FMN1: variants seen among roughly 807,000 people sequenced by gnomAD.
The protein encoded by FMN1 is formin 1.
FMN1 carries 110 observed loss-of-function variants against 132.4 expected under a neutral mutation model. That is an observed-to-expected ratio of 0.83 (90% CI 0.71 to 0.97). The LOEUF is 0.97. Ranked by LOEUF, FMN1 falls within the 50% of genes least tolerant of loss-of-function variation. The pLI is 0.00. For synonymous variants in FMN1, 722 were observed against 651.7 expected (o/e 1.11, Z -1.64); for missense variants, 1,792 against 1,705.3 (o/e 1.05, Z -0.90).
At chr15:33,012,046 C>T in intron 6 of FMN1, 1 of 307,784 alleles carries the variant, frequency 3.2e-6, no homozygotes, top group Non-Finnish European at 6.2e-6. Context: ...ACATAAGTAA[C>T]AAAACTATGA....
At chr15:32,786,665 G>A (rs1442132662) in intron 19 of FMN1, among the ~76,000 whole-genome samples, 1 of 152,106 alleles carries the variant, frequency 6.6e-6, no homozygotes. Context: ...AATATCACAT[G>A]GTTTATGGCA....
At chr15:33,170,956 A>G (rs1965297213) in intron 3 of FMN1, among the ~76,000 whole-genome samples, 1 of 152,240 alleles carries the variant, frequency 6.6e-6, no homozygotes, top group Non-Finnish European at 1.5e-5. Flanking sequence ...TGTTTACTGC[A>G]TAGCAAAAGA....
At chr15:32,935,211 G>A (rs117508225) in intron 9 of FMN1, among the ~76,000 whole-genome samples, 2,865 of 152,104 alleles carry the variant, frequency 0.019, 98 homozygotes, top group East Asian at 0.12. Flanking sequence ...GTGAGCCACT[G>A]CACCCAGCCG....
At chr15:33,099,038 T>C (rs2039192325) in intron 4 of FMN1, among the ~76,000 whole-genome samples, 1 of 152,120 alleles carries the variant, frequency 6.6e-6, no homozygotes, top group South Asian at 2.1e-4. Context: ...AAGCTGAGGC[T>C]GGTGGACTGC....
chr15:32,950,663 G>A (rs2061631224), intron 9 of FMN1, among the ~76,000 whole-genome samples: 1 of 152,242 alleles, frequency 6.6e-6, no homozygotes. Flanking sequence ...ACACAGAGGA[G>A]AGCAACATAC....
At chr15:33,006,004 G>A (rs189378721) in intron 7 of FMN1, among the ~76,000 whole-genome samples, 1 of 152,188 alleles carries the variant, frequency 6.6e-6, no homozygotes, top group African/African-American at 2.4e-5. Flanking sequence ...TGCTGGATGG[G>A]TAGGGCTTGA....
At chr15:33,181,371 G>A (rs1201566619) in intron 2 of FMN1, among the ~76,000 whole-genome samples, 1 of 152,168 alleles carries the variant, frequency 6.6e-6, no homozygotes, top group Non-Finnish European at 1.5e-5. Flanking sequence ...CTTCCGAGCA[G>A]ACAAATCCTC....
chr15:32,788,385 A>G (rs189890276), intron 19 of FMN1, among the ~76,000 whole-genome samples: 5 of 152,370 alleles, frequency 3.3e-5, no homozygotes, highest in African/African-American at 1.2e-4. Flanking sequence ...TCTTTGGAAG[A>G]CATTTCCAAT....
intron 15 of FMN1, among the ~76,000 whole-genome samples, chr15:32,891,308 T>C (rs1187906416): frequency 6.6e-6 from 1 of 152,158 alleles, no homozygotes; most frequent in African/African-American, 2.4e-5. Context: ...AGTGCAGTGA[T>C]GCGATGTTGG....
Position 32,964,153 on chromosome 15 carries a change from T to C in FMN1, c.3092A>G (p.Lys1031Arg). 1 of 1,613,506 alleles carries C rather than the reference T, an allele frequency of 6.2e-7. No individual in the cohort carries two copies. Among genetic ancestry groups the C allele is most frequent in the East Asian group, 2.2e-5 (1 of 44,840 alleles). ...CTCATAAGTCTCTGACAGAGGTTTTTTCTTCTGTTGAGTTGTGTCTTTGGA... is the reference window on the plus strand; with the variant it reads ...CTCATAAGTCTCTGACAGAGGTTTTCTCTTCTGTTGAGTTGTGTCTTTGGA... The part of the protein sequence containing the change: ...LFSKDTTQQK[K>R]KPLSETYEKK... Residue 1031 changes from lysine (K) to arginine (R), a missense_variant, in exon 9 of 21, where the codon AAA becomes AGA. Around this residue, in one of 3 missense-constraint regions of FMN1, gnomAD observed 1,150 missense variants for 1,043.1 expected, o/e 1.10. Transcript: ENST00000616417.
Position 33,157,263 on chromosome 15 carries a change from C to CAAA in FMN1, c.-131-2221_-131-2219dup, listed in dbSNP as rs57411775. Among the ~76,000 whole-genome samples, 50 of 120,438 alleles carry CAAA rather than the reference C, an allele frequency of 4.2e-4. 1 individual carries two copies. Among genetic ancestry groups the CAAA allele is most frequent in the African/African-American group, 1.3e-3 (44 of 33,052 alleles). The allele number at this position is 120,438 out of a possible 152,430, so 79.0% of individuals were successfully genotyped here. A position where few individuals can be genotyped will look rare whatever the true frequency, so the allele number is the denominator to read the frequency against. Reference sequence around the variant, plus strand: ...CTGGTGACAGAGTGAGACTCCATCTCAAAAAAAAAAAAAAAAAATTCAGAA... The same window carrying CAAA: ...CTGGTGACAGAGTGAGACTCCATCTCAAAAAAAAAAAAAAAAAAAAATTCAGAA... On this transcript the variant is annotated intron_variant, in intron 3 of 20. Coordinates refer to ENST00000616417, the MANE Select transcript of FMN1 (RefSeq NM_001277313.2).
intron 4 of FMN1, among the ~76,000 whole-genome samples, chr15:33,122,400 G>C (rs999949065): frequency 6.6e-6 from 1 of 152,124 alleles, no homozygotes; most frequent in Non-Finnish European, 1.5e-5. Flanking sequence ...CATGCCTGGT[G>C]GGAAAGTAAG....
At position 33,048,644 on chromosome 15, in the gene FMN1, A is replaced by AAAAACAAAAAAAAAACAAAAAC. The variant is rs1555388958; in HGVS notation, c.2161+16312_2161+16313insGTTTTTGTTTTTTTTTTGTTTT. Among the ~76,000 whole-genome samples the AAAAACAAAAAAAAAACAAAAAC allele has an allele frequency of 2.0e-4, 17 of 86,948 alleles. 1 individual carries two copies. Among genetic ancestry groups the AAAAACAAAAAAAAAACAAAAAC allele is most frequent in the Non-Finnish European group, 3.3e-4 (14 of 42,092 alleles). The allele number at this position is 86,948 out of a possible 152,430, so 57.0% of individuals were successfully genotyped here. On this transcript the variant is annotated intron_variant, in intron 6 of 20. Coordinates refer to ENST00000616417, the MANE Select transcript of FMN1 (RefSeq NM_001277313.2). ...TGGGCAATTTACCAAAAAAAAAAAA[A>AAAAACAAAAAAAAAACAAAAAC]AAAAACCAACAGTTTAATGGACTTA...
intron 4 of FMN1, among the ~76,000 whole-genome samples, chr15:33,112,748 T>C (rs1056928928): frequency 3.3e-5 from 5 of 152,186 alleles, no homozygotes; most frequent in African/African-American, 1.2e-4. Flanking sequence ...TTAGGATATT[T>C]TCCCTGTTCT....
chr15:33,031,785 T>C (rs2035948937), intron 6 of FMN1, among the ~76,000 whole-genome samples: 1 of 152,212 alleles, frequency 6.6e-6, no homozygotes, highest in African/African-American at 2.4e-5. Context: ...TTAGTTACTG[T>C]GGTAACAGAT....
Position 33,153,086 on chromosome 15 carries a change from C to A in FMN1, c.1829G>T (p.Gly610Val). ...GETLEKSLGP[G>V]KTTAEPQHQS... ...GTGCTGGGGCTCAGCTGTGGTCTTC[C>A]CTGGCCCCAAGCTCTTTTCCAAAGT... Residue 610 changes from glycine (G) to valine (V), a missense_variant, in exon 4 of 21, where the codon GGG becomes GTG. Gly to Val is a moderately radical substitution (Grantham distance 109). This residue lies in a region of FMN1 where 1,150 missense variants were observed against 1,043.1 expected (regional missense o/e 1.10). Transcript: ENST00000616417. The A allele has an allele frequency of 6.5e-7, 1 of 1,535,288 alleles. No individual in the cohort carries two copies. Among genetic ancestry groups the A allele is most frequent in the East Asian group, 2.4e-5 (1 of 40,896 alleles).
intron 17 of FMN1, among the ~76,000 whole-genome samples, chr15:32,821,758 A>C (rs757199077): frequency 1.3e-5 from 2 of 152,034 alleles, no homozygotes; most frequent in African/African-American, 2.4e-5. Flanking sequence ...CTAATACTTA[A>C]ATCTTAACAC....
rs962842419 is a variant in FMN1 at position 32,874,017 on chromosome 15, GTTTT to G, written c.3835+14151_3835+14154del. 3.0e-3 allele frequency among the ~76,000 whole-genome samples: 349 copies of G among 115,098 alleles called. 4 individuals are homozygous for G. The highest frequency in any genetic ancestry group is 0.012 in the African/African-American group (341 of 29,540). The allele number at this position is 115,098 out of a possible 152,430, so 75.5% of individuals were successfully genotyped here. A position where few individuals can be genotyped will look rare whatever the true frequency, so the allele number is the denominator to read the frequency against. On this transcript the variant is annotated intron_variant, in intron 16 of 20. Transcript: ENST00000616417. Reference sequence around the variant, plus strand: ...TATGATTCACAATTTTATTTTAGTTGTTTTTTTTTTTTTTTTTTTGATACAGAGT... The same window carrying G: ...TATGATTCACAATTTTATTTTAGTTGTTTTTTTTTTTTTTTGATACAGAGT...
chr15:32,916,384 G>C (rs1440741686), intron 10 of FMN1, among the ~76,000 whole-genome samples: 1 of 152,190 alleles, frequency 6.6e-6, no homozygotes, highest in East Asian at 1.9e-4. Flanking sequence ...GGCTTCTAAT[G>C]AGTAAAAAGA....
Sources: allele counts gnomAD v4.1 joint callset (sites outside exome capture counted in the v4.1 genomes callset), GRCh38; gene constraint gnomAD v4.1.1; regional missense constraint gnomAD v4.1.1; transcripts MANE v1.5; gene names NCBI Gene and HGNC (gene_info 2026-07-23, HGNC 2026-07-21).